Variants in PRKG1 observed in about 807,000 individuals in gnomAD.
PRKG1 encodes the protein cGMP-dependent protein kinase 1.
PRKG1 carries 35 observed loss-of-function variants against 88.1 expected under a neutral mutation model. The ratio of observed to expected loss-of-function variants is 0.40; its 90% confidence interval spans 0.30 to 0.53. The LOEUF is 0.53. PRKG1 is among the 20% of genes least tolerant of loss of function. The pLI, the probability that PRKG1 is intolerant of heterozygous loss-of-function variation, is 0.59. For synonymous variants in PRKG1, 303 were observed against 292.5 expected (o/e 1.04, Z -0.37); for missense variants, 540 against 839.8 (o/e 0.64, Z 4.41).
chr10:51,283,756 A>G (rs1238797502), intron 2 of PRKG1, among the ~76,000 whole-genome samples: 3 of 152,172 alleles, frequency 2.0e-5, no homozygotes, highest in African/African-American at 7.2e-5. Context: ...CTACTTTAAA[A>G]TTGTGTTATA....
intron 4 of PRKG1, among the ~76,000 whole-genome samples, chr10:51,830,254 A>T (rs868640513): frequency 1.3e-5 from 2 of 152,122 alleles, no homozygotes; most frequent in Middle Eastern, 3.4e-3. Context: ...ATTTAACACT[A>T]TTTTCACACA....
intron 7 of PRKG1, among the ~76,000 whole-genome samples, chr10:52,104,346 G>A (rs1847366012): frequency 2.0e-5 from 3 of 151,884 alleles, no homozygotes; most frequent in Non-Finnish European, 2.9e-5. Flanking sequence ...GTCATTTAGG[G>A]CCTTTAAAAA....
intron 5 of PRKG1, among the ~76,000 whole-genome samples, chr10:51,947,268 A>G (rs1843065711): frequency 6.6e-6 from 1 of 152,136 alleles, no homozygotes; most frequent in Non-Finnish European, 1.5e-5. Flanking sequence ...CCTCGGAGCC[A>G]GGTGTGGGAT....
chr10:51,989,429 G>A (rs975939070), intron 5 of PRKG1, among the ~76,000 whole-genome samples: 1 of 151,924 alleles, frequency 6.6e-6, no homozygotes. Flanking sequence ...AAAATAGGTT[G>A]AAATCATGTA....
At chr10:51,506,075 A>T (rs1343639644) in intron 3 of PRKG1, among the ~76,000 whole-genome samples, 1 of 152,150 alleles carries the variant, frequency 6.6e-6, no homozygotes, top group Non-Finnish European at 1.5e-5. Flanking sequence ...TAGTTAATAA[A>T]CGGTGCTGGG....
At chr10:51,322,581 G>A (rs767095503) in intron 2 of PRKG1, among the ~76,000 whole-genome samples, 4 of 152,116 alleles carry the variant, frequency 2.6e-5, no homozygotes, top group Non-Finnish European at 4.4e-5. Context: ...ACTTTCACTA[G>A]CATACGTTCT....
rs910863567 is a variant in PRKG1, at chr10:52,090,017, G to A, written c.935+27386G>A. ...TTTAGTAGAAATGGGGTTTCACCTT[G>A]TTGGCCAGGATGGTCTCGATCTCTT... is the stretch of plus-strand genomic sequence containing the variant. On this transcript the variant is annotated intron_variant, in intron 7 of 17. Transcript: ENST00000373980. 2.0e-5 allele frequency among the ~76,000 whole-genome samples: 3 copies of A among 151,898 alleles called. No individual in the cohort carries two copies. In the East Asian group the frequency reaches 5.8e-4, roughly 29 times the overall value.
At chr10:52,153,328 GA>G (rs36075459) in intron 8 of PRKG1, among the ~76,000 whole-genome samples, 1 of 151,994 alleles carries the variant, frequency 6.6e-6, no homozygotes, top group African/African-American at 2.4e-5. Flanking sequence ...CAGATAAAAG[GA>G]AAAAAATTGC....
chr10:51,516,779 T>A (rs978825713), intron 3 of PRKG1, among the ~76,000 whole-genome samples: 1 of 152,194 alleles, frequency 6.6e-6, no homozygotes, highest in African/African-American at 2.4e-5. Context: ...GACTTTCCAT[T>A]ATGAGCTCAG....
At chr10:51,336,246 AG>A (rs1841872789) in intron 2 of PRKG1, among the ~76,000 whole-genome samples, 1 of 152,050 alleles carries the variant, frequency 6.6e-6, no homozygotes, top group African/African-American at 2.4e-5. Context: ...CCAGCTACTC[AG>A]GAGGCTGACG....
chr10:52,064,530 C>T (rs1015361975), intron 7 of PRKG1, among the ~76,000 whole-genome samples: 60 of 152,322 alleles, frequency 3.9e-4, no homozygotes, highest in African/African-American at 1.3e-3. Flanking sequence ...AGGGGAGGCC[C>T]GGGTCCATGG....
chr10:51,351,365 A>C (rs1336308994), intron 2 of PRKG1, among the ~76,000 whole-genome samples: 1 of 152,176 alleles, frequency 6.6e-6, no homozygotes, highest in Non-Finnish European at 1.5e-5. Flanking sequence ...ACTAATTTAC[A>C]TTCTCACCAA....
At chr10:51,281,516 G>A (rs139226970) in intron 2 of PRKG1, among the ~76,000 whole-genome samples, 15 of 152,268 alleles carry the variant, frequency 9.9e-5, no homozygotes, top group African/African-American at 2.2e-4. Context: ...AGGGGTGCCC[G>A]CCATTGCTCA....
chr10:52,229,896 AAG>A (rs1288333282), intron 9 of PRKG1, among the ~76,000 whole-genome samples: 1 of 152,218 alleles, frequency 6.6e-6, no homozygotes, highest in African/African-American at 2.4e-5. Context: ...TCTTTTAATA[AAG>A]AGTCTAGAAT....
At chr10:51,406,211 T>G (rs1019264977) in intron 2 of PRKG1, among the ~76,000 whole-genome samples, 1 of 152,130 alleles carries the variant, frequency 6.6e-6, no homozygotes, top group Admixed American at 6.5e-5. Flanking sequence ...TGAAATCAAT[T>G]TGTTGTCGAC....
At chr10:52,001,480 A>G (rs1025180994) in intron 5 of PRKG1, among the ~76,000 whole-genome samples, 1 of 152,012 alleles carries the variant, frequency 6.6e-6, no homozygotes, top group Non-Finnish European at 1.5e-5. Context: ...AAACATATAC[A>G]ACTTTTTTTG....
At chr10:52,007,355 C>T (rs1006369666) in intron 5 of PRKG1, among the ~76,000 whole-genome samples, 2 of 151,208 alleles carry the variant, frequency 1.3e-5, no homozygotes, top group South Asian at 4.2e-4. Context: ...GAAATGAGAC[C>T]AAATGTTATG....
intron 5 of PRKG1, among the ~76,000 whole-genome samples, chr10:51,944,774 T>A (rs906169460): frequency 5.9e-5 from 9 of 152,168 alleles, no homozygotes; most frequent in Admixed American, 5.2e-4. Context: ...TTTGAGTGAG[T>A]TTCTTAATCC....
At chr10:51,649,788 G>T (rs1442892060) in intron 3 of PRKG1, among the ~76,000 whole-genome samples, 1 of 152,150 alleles carries the variant, frequency 6.6e-6, no homozygotes, top group Non-Finnish European at 1.5e-5. Flanking sequence ...ATCTCCTAGA[G>T]GTTTCCCATT....
Sources: allele counts gnomAD v4.1 joint callset (sites outside exome capture counted in the v4.1 genomes callset), GRCh38; gene constraint gnomAD v4.1.1; transcripts MANE v1.5; gene names NCBI Gene and HGNC (gene_info 2026-07-23, HGNC 2026-07-21).